OTC: variants seen among roughly 807,000 people sequenced by gnomAD.
The protein encoded by OTC is ornithine transcarbamylase.
A neutral mutation model predicts 30.3 loss-of-function variants in OTC; 3 were observed. That is an observed-to-expected ratio of 0.10 (90% CI 0.05 to 0.26). The LOEUF (loss-of-function observed/expected upper bound fraction) is 0.26, where lower values mean the gene tolerates loss of function less well. OTC is among the 10% of genes least tolerant of loss of function. The pLI is 1.00. For missense variants in OTC, 194 were observed against 260.3 expected (o/e 0.75, Z 1.75); for synonymous variants, 111 against 99.7 (o/e 1.11, Z -0.67).
chrX:38,332,553 G>T, the OTC span, among the ~76,000 whole-genome samples: 1 of 53,956 alleles, frequency 1.9e-5, no homozygotes, highest in Non-Finnish European at 3.6e-5. Context: ...TAATACTATA[G>T]TCTATTCCAG....
chrX:38,401,438 T>C lies in OTC; in HGVS notation c.540+10T>C, dbSNP rs1333367271. The C allele has an allele frequency of 2.5e-6, 3 of 1,188,583 alleles. No individual in the cohort carries two copies. The highest frequency in any genetic ancestry group is 3.5e-5 in the African/African-American group (2 of 57,468). On this transcript the variant is annotated intron_variant, in intron 5 of 9. Coordinates refer to ENST00000039007, the MANE Select transcript of OTC (RefSeq NM_000531.6). ...TTACCTCACGCTCCAGGTTGGTTTATTTATTTGTCTTACAAAAGAGCAAAA... is the reference window on the plus strand; with the variant it reads ...TTACCTCACGCTCCAGGTTGGTTTACTTATTTGTCTTACAAAAGAGCAAAA...
intron 4 of OTC, among the ~76,000 whole-genome samples, chrX:38,382,630 A>T (rs1187591472): frequency 4.4e-5 from 5 of 112,456 alleles, no homozygotes; most frequent in African/African-American, 1.6e-4. Flanking sequence ...CTTCCAAATA[A>T]TCTGCCTCTG....
chrX:38,349,194 G>A (rs927314050), upstream of OTC, among the ~76,000 whole-genome samples: 1 of 111,799 alleles, frequency 8.9e-6, no homozygotes, highest in Non-Finnish European at 1.9e-5. Flanking sequence ...GGGTAGTGAG[G>A]GAAATGAGAC....
chrX:38,414,056 AG>A (rs2068557727), intron 9 of OTC, among the ~76,000 whole-genome samples: 1 of 111,591 alleles, frequency 9.0e-6, no homozygotes, highest in Non-Finnish European at 1.9e-5. Context: ...TAGATGACAA[AG>A]AAAATGTGAG....
rs1049018948 is a variant in OTC, at chrX:38,394,119, G to A, written c.387-7156G>A. On this transcript the variant is annotated intron_variant, in intron 4 of 9. Coordinates refer to ENST00000039007, the MANE Select transcript of OTC (RefSeq NM_000531.6). ...ATACATTCATTGGTTCTGTGGGTTA[G>A]GACATGGACATCTTTGGGGACCATT... Among the ~76,000 whole-genome samples, 32 of 112,302 alleles carry A rather than the reference G, an allele frequency of 2.8e-4. No individual in the cohort carries two copies. The Admixed American group carries it at 2.9e-3, about 10-fold the overall frequency.
intron 8 of OTC, among the ~76,000 whole-genome samples, chrX:38,409,364 A>G (rs749157632): frequency 1.8e-3 from 205 of 112,432 alleles, no homozygotes; most frequent in African/African-American, 6.5e-3. Flanking sequence ...TTCTCCCCTA[A>G]GAAAAGCCCC....
intron 1 of OTC, among the ~76,000 whole-genome samples, chrX:38,358,362 A>C (rs2068252558): frequency 9.0e-6 from 1 of 111,425 alleles, no homozygotes; most frequent in African/African-American, 3.3e-5. Flanking sequence ...GAGGTGTGGC[A>C]ACTCCATTTT....
the OTC span, among the ~76,000 whole-genome samples, chrX:38,338,455 G>A: frequency 2.7e-5 from 3 of 111,937 alleles, no homozygotes; most frequent in African/African-American, 9.8e-5. Context: ...AGTTGCCTGT[G>A]GCTTGTTTTG....
chrX:38,344,234 T>C, the OTC span, among the ~76,000 whole-genome samples: 1,718 of 18,631 alleles, frequency 0.092, 22 homozygotes, highest in East Asian at 0.21. Flanking sequence ...TGGTGATATA[T>C]ATATATACAC....
At chrX:38,383,301 C>CT (rs760621770) in intron 4 of OTC, among the ~76,000 whole-genome samples, 2 of 111,810 alleles carry the variant, frequency 1.8e-5, no homozygotes, top group African/African-American at 6.5e-5. Context: ...ATCTCTAAAT[C>CT]TTTTTTAAAA....
At chrX:38,388,804 G>A (rs890419406) in intron 4 of OTC, among the ~76,000 whole-genome samples, 1 of 112,176 alleles carries the variant, frequency 8.9e-6, no homozygotes, top group African/African-American at 3.2e-5. Flanking sequence ...TTTACTTATG[G>A]TAGTGATTGC....
chrX:38,376,824 C>T (rs777951356), intron 3 of OTC, among the ~76,000 whole-genome samples: 1 of 111,973 alleles, frequency 8.9e-6, no homozygotes, highest in South Asian at 3.7e-4. Flanking sequence ...TGCTAGAGCA[C>T]CCAGATATAT....
intron 3 of OTC, among the ~76,000 whole-genome samples, chrX:38,371,918 G>A (rs138312070): frequency 0.022 from 2,465 of 111,944 alleles, 65 homozygotes; most frequent in African/African-American, 0.076. Context: ...CATGAGTTGG[G>A]TAGAATTTTA....
In OTC at chrX:38,378,937, C is replaced by T. The variant is rs763359460; in HGVS notation, c.299-2405C>T. Among the ~76,000 whole-genome samples the T allele has an allele frequency of 6.3e-5, 7 of 111,523 alleles. No individual in the cohort carries two copies. The South Asian group carries it at 1.5e-3, about 24-fold the overall frequency. On this transcript the variant is annotated intron_variant, in intron 3 of 9. Coordinates refer to ENST00000039007, the MANE Select transcript of OTC (RefSeq NM_000531.6). ...TGGGGCTGGGATGAGGATTCCCATGCGCAAGGTAGGGCTTGTGCAGTTTGA... is the reference window on the plus strand; with the variant it reads ...TGGGGCTGGGATGAGGATTCCCATGTGCAAGGTAGGGCTTGTGCAGTTTGA...
At chrX:38,415,516 T>C (rs761751466) in intron 9 of OTC, among the ~76,000 whole-genome samples, 48 of 111,670 alleles carry the variant, frequency 4.3e-4, no homozygotes, top group Non-Finnish European at 5.3e-4. Flanking sequence ...TAGGCACATA[T>C]GGCTTTTTAA....
chrX:38,411,432 G>A (rs763652938), intron 8 of OTC, among the ~76,000 whole-genome samples: 1 of 109,089 alleles, frequency 9.2e-6, no homozygotes, highest in Admixed American at 9.8e-5. Flanking sequence ...TTTGAGAGGC[G>A]AGGCGGGCGG....
At chrX:38,386,090 A>T (rs1184340195) in intron 4 of OTC, among the ~76,000 whole-genome samples, 3 of 105,982 alleles carry the variant, frequency 2.8e-5, no homozygotes, top group Admixed American at 1.0e-4. Context: ...CTGTTAAAAA[A>T]AAAGGCCGAT....
At chrX:38,360,082 G>A (rs912964721) in intron 1 of OTC, among the ~76,000 whole-genome samples, 1 of 107,996 alleles carries the variant, frequency 9.3e-6, no homozygotes, top group African/African-American at 3.4e-5. Flanking sequence ...CACCACGCCC[G>A]GCTAATTTTT....
chrX:38,329,604 G>A, the OTC span, among the ~76,000 whole-genome samples: 1 of 111,656 alleles, frequency 9.0e-6, no homozygotes, highest in African/African-American at 3.3e-5. Flanking sequence ...CGTGGCAGAC[G>A]GAAAATTGAA....
Sources: allele counts gnomAD v4.1 joint callset (sites outside exome capture counted in the v4.1 genomes callset), GRCh38; gene constraint gnomAD v4.1.1; transcripts MANE v1.5; gene names NCBI Gene and HGNC (gene_info 2026-07-23, HGNC 2026-07-21).